The following NCAM2 variants were observed in gnomAD, a reference collection of about 807,000 sequenced individuals.
NCAM2 encodes the protein N-CAM-2.
Under a neutral mutation model 98.1 loss-of-function variants are expected in NCAM2, and 30 were observed. The ratio of observed to expected loss-of-function variants is 0.31; its 90% confidence interval spans 0.23 to 0.41. NCAM2 has a LOEUF of 0.41. NCAM2 is among the 10% of genes least tolerant of loss of function. NCAM2 has a pLI of 1.00. For synonymous variants in NCAM2, 368 were observed against 342.4 expected, an observed-to-expected ratio of 1.07 and a Z score of -0.83; for missense variants, 867 against 1,005.8, an observed-to-expected ratio of 0.86 and a Z score of 1.87.
chr21:21,531,045 T>C (rs1354358911), intron 16 of NCAM2, among the ~76,000 whole-genome samples: 1 of 152,160 alleles, frequency 6.6e-6, no homozygotes, highest in African/African-American at 2.4e-5. Context: ...ATTTGTCTAT[T>C]TAGGTTGAGT....
intron 15 of NCAM2, among the ~76,000 whole-genome samples, chr21:21,502,154 G>A (rs762548662): frequency 1.3e-5 from 2 of 151,878 alleles, no homozygotes; most frequent in Non-Finnish European, 2.9e-5. Flanking sequence ...TTGAATAGAA[G>A]TTAGTGAAAC....
intron 1 of NCAM2, among the ~76,000 whole-genome samples, chr21:21,098,863 C>G (rs763480280): frequency 3.3e-5 from 5 of 151,610 alleles, no homozygotes; most frequent in Non-Finnish European, 5.9e-5. Context: ...TCATGCAGGC[C>G]ACAATTTTCA....
At chr21:21,285,598 TA>T (rs1372039009) in intron 3 of NCAM2, among the ~76,000 whole-genome samples, 2 of 151,852 alleles carry the variant, frequency 1.3e-5, no homozygotes, top group Non-Finnish European at 2.9e-5. Flanking sequence ...TTTGCAAAGG[TA>T]AAAAAAATTT....
chr21:21,391,727 C>A (rs954418349), intron 9 of NCAM2, among the ~76,000 whole-genome samples: 1 of 152,106 alleles, frequency 6.6e-6, no homozygotes, highest in Non-Finnish European at 1.5e-5. Flanking sequence ...CAGAGCAAAT[C>A]TCCTCTTTAA....
chr21:21,284,270 G>A lies in NCAM2; in HGVS notation c.207G>A (p.Val69=), dbSNP rs769370510. The A allele has an allele frequency of 6.2e-7, 1 of 1,612,094 alleles. No homozygotes were observed. The highest frequency in any genetic ancestry group is 8.5e-7 in the Non-Finnish European group (1 of 1,178,410). ...EKIISTQRVV[V]QKEGVRSRLT... The stretch of plus-strand genomic sequence containing the variant: ...TAATTTCAACACAGAGGGTAGTAGT[G>A]CAAAAGGAAGGTGTTAGGTCACGGT... The change falls in exon 3 of 18, where the codon GTG becomes GTA. Residue 69 remains valine, a synonymous_variant. Coordinates refer to ENST00000400546, the MANE Select transcript of NCAM2 (RefSeq NM_004540.5).
chr21:21,007,052 A>AT (rs1601070239), intron 1 of NCAM2, among the ~76,000 whole-genome samples: 1 of 152,116 alleles, frequency 6.6e-6, no homozygotes, highest in Non-Finnish European at 1.5e-5. Context: ...AAAGTATGAT[A>AT]TTTTTTACTG....
intron 5 of NCAM2, among the ~76,000 whole-genome samples, chr21:21,297,674 C>T (rs2073537917): frequency 6.6e-6 from 1 of 151,598 alleles, no homozygotes; most frequent in Non-Finnish European, 1.5e-5. Context: ...CTTTAACCCA[C>T]ATATATTCTC....
chr21:21,032,642 G>T (rs1366590783), intron 1 of NCAM2, among the ~76,000 whole-genome samples: 2 of 152,098 alleles, frequency 1.3e-5, no homozygotes, highest in African/African-American at 4.8e-5. Context: ...ATATAGATTA[G>T]TTCTTAGTTT....
At chr21:21,019,778 C>A (rs1036043353) in intron 1 of NCAM2, among the ~76,000 whole-genome samples, 1 of 152,088 alleles carries the variant, frequency 6.6e-6, no homozygotes, top group African/African-American at 2.4e-5. Flanking sequence ...ACCACTCTGC[C>A]ACTGAATACA....
At chr21:21,452,238 T>A (rs1297930348) in intron 12 of NCAM2, among the ~76,000 whole-genome samples, 1 of 150,970 alleles carries the variant, frequency 6.6e-6, no homozygotes, top group Non-Finnish European at 1.5e-5. Context: ...TACACACATA[T>A]ACATATGTGT....
intron 12 of NCAM2, 141 bp downstream of exon 12, chr21:21,432,422 C>A: frequency 1.4e-6 from 1 of 717,326 alleles, no homozygotes; most frequent in Non-Finnish European, 2.2e-6. Context: ...GTGCCCCATT[C>A]TTCTTGATAA....
chr21:21,458,538 T>C (rs949666635), intron 12 of NCAM2, among the ~76,000 whole-genome samples: 1 of 152,246 alleles, frequency 6.6e-6, no homozygotes, highest in East Asian at 1.9e-4. Context: ...CTTTATTAGA[T>C]AGACCTCAGA....
chr21:21,275,756 G>A (rs1265268313), intron 1 of NCAM2, among the ~76,000 whole-genome samples: 1 of 151,986 alleles, frequency 6.6e-6, no homozygotes, highest in East Asian at 1.9e-4. Context: ...TTTGCCACAG[G>A]TAAACTTATA....
At chr21:21,439,855 T>C (rs1335809476) in intron 12 of NCAM2, among the ~76,000 whole-genome samples, 1 of 152,190 alleles carries the variant, frequency 6.6e-6, no homozygotes, top group Non-Finnish European at 1.5e-5. Flanking sequence ...ATGTACAAAA[T>C]GTATTCATTT....
At chr21:21,133,078 C>A (rs10482916) in intron 1 of NCAM2, among the ~76,000 whole-genome samples, 9,358 of 152,232 alleles carry the variant, frequency 0.061, 465 homozygotes, top group East Asian at 0.29. Flanking sequence ...ATCCATCTAT[C>A]TTTTTGTATG....
intron 1 of NCAM2, among the ~76,000 whole-genome samples, chr21:21,005,668 A>T (rs929305838): frequency 9.9e-5 from 15 of 152,058 alleles, no homozygotes; most frequent in African/African-American, 3.6e-4. Context: ...AATTTTGGGT[A>T]AAATCTCAGA....
chr21:21,210,342 G>A (rs1000709644), intron 1 of NCAM2, among the ~76,000 whole-genome samples: 2 of 152,092 alleles, frequency 1.3e-5, no homozygotes, highest in African/African-American at 4.8e-5. Context: ...ATCATTTGAG[G>A]TTCATAACCT....
chr21:21,102,331 AT>A, intron 1 of NCAM2, among the ~76,000 whole-genome samples: 1 of 152,066 alleles, frequency 6.6e-6, no homozygotes, highest in Non-Finnish European at 1.5e-5. Flanking sequence ...TTTTACTTAT[AT>A]TTTTTAATTT....
chr21:21,117,344 T>C (rs2066584812), intron 1 of NCAM2, among the ~76,000 whole-genome samples: 1 of 152,132 alleles, frequency 6.6e-6, no homozygotes, highest in African/African-American at 2.4e-5. Context: ...CTTTACAGTT[T>C]CCTAGAGAAA....
Sources: allele counts gnomAD v4.1 joint callset (sites outside exome capture counted in the v4.1 genomes callset), GRCh38; gene constraint gnomAD v4.1.1; transcripts MANE v1.5; gene names NCBI Gene and HGNC (gene_info 2026-07-23, HGNC 2026-07-21).